The following UBE3D variants were observed in gnomAD, a reference collection of about 807,000 sequenced individuals.
The protein encoded by UBE3D is E3 ubiquitin-protein ligase E3D.
In UBE3D, 48 loss-of-function variants were observed where a neutral mutation model predicts 49.6. The ratio of observed to expected loss-of-function variants is 0.97; its 90% CI spans 0.77 to 1.23. The LOEUF (loss-of-function observed/expected upper bound fraction) is 1.23. UBE3D is among the 50% of genes most tolerant of loss of function. UBE3D has a pLI of 0.00. For missense variants in UBE3D, 452 were observed against 468.4 expected (o/e 0.96, Z 0.32); for synonymous variants, 189 against 174.2 (o/e 1.08, Z -0.67).
chr6:82,954,360 A>G (rs543885808), intron 9 of UBE3D, among the ~76,000 whole-genome samples: 1 of 152,190 alleles, frequency 6.6e-6, no homozygotes, highest in African/African-American at 2.4e-5. Context: ...ATTTATAACA[A>G]AACCACCAAA....
At chr6:83,051,999 G>A (rs1277392039) in intron 3 of UBE3D, among the ~76,000 whole-genome samples, 1 of 152,138 alleles carries the variant, frequency 6.6e-6, no homozygotes, top group African/African-American at 2.4e-5. Context: ...TATTTATGAG[G>A]GACAGTGCCT....
chr6:82,923,692 A>G (rs1016881007), intron 9 of UBE3D, among the ~76,000 whole-genome samples: 1 of 152,244 alleles, frequency 6.6e-6, no homozygotes, highest in Non-Finnish European at 1.5e-5. Flanking sequence ...CTGCACATGT[A>G]ACCCAGAACT....
At chr6:83,045,341 A>G (rs1191097890) in intron 3 of UBE3D, among the ~76,000 whole-genome samples, 1 of 152,184 alleles carries the variant, frequency 6.6e-6, no homozygotes, top group African/African-American at 2.4e-5. Context: ...GTAATAGGTA[A>G]AAGTATTTTC....
intron 7 of UBE3D, among the ~76,000 whole-genome samples, chr6:83,021,469 T>G (rs918857329): frequency 1.4e-5 from 2 of 144,980 alleles, no homozygotes; most frequent in Non-Finnish European, 3.0e-5. Context: ...ACAGGAGCAA[T>G]AGGACATATT....
chr6:83,003,383 A>T (rs1715815072), intron 8 of UBE3D, among the ~76,000 whole-genome samples: 1 of 151,894 alleles, frequency 6.6e-6, no homozygotes, highest in African/African-American at 2.4e-5. Flanking sequence ...GACACCTGTT[A>T]TTTCTAGTAA....
intron 1 of UBE3D, among the ~76,000 whole-genome samples, chr6:83,062,857 A>T (rs1784254615): frequency 6.6e-6 from 1 of 152,172 alleles, no homozygotes; most frequent in Non-Finnish European, 1.5e-5. Context: ...TGATGGTGAT[A>T]GAATAAATGA....
chr6:82,897,313 AG>A (rs1771400715), intron 9 of UBE3D, among the ~76,000 whole-genome samples: 1 of 152,084 alleles, frequency 6.6e-6, no homozygotes, highest in South Asian at 2.1e-4. Context: ...TTTCTTGGCC[AG>A]GCGCGGTGGC....
chr6:82,994,216 A>G (rs981277082), intron 8 of UBE3D, among the ~76,000 whole-genome samples: 1 of 152,228 alleles, frequency 6.6e-6, no homozygotes, highest in African/African-American at 2.4e-5. Context: ...TTACCCATGC[A>G]ATACTTATAA....
At chr6:83,052,687 T>C (rs1783550853) in intron 3 of UBE3D, among the ~76,000 whole-genome samples, 1 of 151,908 alleles carries the variant, frequency 6.6e-6, no homozygotes, top group African/African-American at 2.4e-5. Context: ...GAAAGAGATA[T>C]GAAATGTGAG....
rs147440264 is a variant in UBE3D, at chr6:83,020,897, T to C, written c.846+1556A>G. 7.5e-3 allele frequency among the ~76,000 whole-genome samples: 1,145 copies of C among 152,348 alleles called. 10 individuals carry two copies. Among genetic ancestry groups the C allele is most frequent in the South Asian group, 0.024 (118 of 4,830 alleles). ...GGAACAGTGTCTTTCATATAAGAAG[T>C]GCTCCATACCTGTTTACTGGTTGAA... On this transcript the variant is annotated intron_variant, in intron 7 of 9. Transcript: ENST00000369747.
chr6:82,901,182 T>C (rs1466342082), intron 9 of UBE3D, among the ~76,000 whole-genome samples: 1 of 152,158 alleles, frequency 6.6e-6, no homozygotes, highest in Non-Finnish European at 1.5e-5. Context: ...AAATGTAATA[T>C]GTATTGTGGT....
intron 9 of UBE3D, among the ~76,000 whole-genome samples, chr6:82,936,055 G>A (rs1774548564): frequency 6.6e-6 from 1 of 151,984 alleles, no homozygotes; most frequent in African/African-American, 2.4e-5. Flanking sequence ...TGTGGGATGA[G>A]AGGGTGGAAT....
At chr6:82,967,604 C>T (rs1255864463) in intron 8 of UBE3D, among the ~76,000 whole-genome samples, 2 of 152,034 alleles carry the variant, frequency 1.3e-5, no homozygotes, top group Non-Finnish European at 2.9e-5. Flanking sequence ...ATAATTCCCT[C>T]GGGATTCATC....
intron 9 of UBE3D, among the ~76,000 whole-genome samples, chr6:82,902,085 C>A (rs1275830246): frequency 6.6e-6 from 1 of 152,112 alleles, no homozygotes; most frequent in Non-Finnish European, 1.5e-5. Flanking sequence ...GGGTCTCCAG[C>A]AAATTTACTT....
chr6:82,929,658 CCTT>C (rs1288536446), intron 9 of UBE3D, among the ~76,000 whole-genome samples: 1 of 151,954 alleles, frequency 6.6e-6, no homozygotes, highest in African/African-American at 2.4e-5. Context: ...CTTCTTTTCT[CCTT>C]CTTCATCCAA....
At position 83,052,324 on chromosome 6, in the gene UBE3D, T is replaced by C. The variant is rs1783523551; in HGVS notation, c.365+1824A>G. Among the ~76,000 whole-genome samples the C allele has an allele frequency of 2.7e-5, 4 of 150,842 alleles. No homozygotes were observed. The South Asian group carries it at 6.4e-4, about 24-fold the overall frequency. On this transcript the variant is annotated intron_variant, in intron 3 of 9. Coordinates refer to ENST00000369747, the MANE Select transcript of UBE3D (RefSeq NM_198920.3). ...ACCCTGTACTGCACTCTCAAAAGAG[T>C]AGGGATAAAGGATACAGGGGACAAC...
At chr6:82,997,835 G>A (rs1779351099) in intron 8 of UBE3D, among the ~76,000 whole-genome samples, 1 of 152,202 alleles carries the variant, frequency 6.6e-6, no homozygotes, top group African/African-American at 2.4e-5. Context: ...CAGCAACCTG[G>A]TTACAGTGGT....
At chr6:82,971,195 T>C (rs888448603) in intron 8 of UBE3D, among the ~76,000 whole-genome samples, 1 of 152,196 alleles carries the variant, frequency 6.6e-6, no homozygotes, top group South Asian at 2.1e-4. Flanking sequence ...TAATATTTGT[T>C]AGCACATTAA....
At chr6:82,988,573 G>A (rs1029533435) in intron 8 of UBE3D, among the ~76,000 whole-genome samples, 10 of 152,106 alleles carry the variant, frequency 6.6e-5, no homozygotes, top group African/African-American at 2.4e-4. Context: ...TCCTGCTGAG[G>A]ACATCAGCCA....
Sources: allele counts gnomAD v4.1 joint callset (sites outside exome capture counted in the v4.1 genomes callset), GRCh38; gene constraint gnomAD v4.1.1; transcripts MANE v1.5; gene names NCBI Gene and HGNC (gene_info 2026-07-23, HGNC 2026-07-21).